SYNE1: variants seen among roughly 807,000 people sequenced by gnomAD.
The protein encoded by SYNE1 is nesprin-1.
SYNE1 carries 616 observed loss-of-function variants against 1,111.0 expected under a neutral mutation model. The ratio of observed to expected loss-of-function variants is 0.55; its 90% CI spans 0.52 to 0.59. The LOEUF (loss-of-function observed/expected upper bound fraction) is 0.59. Among genes scored for constraint, SYNE1 ranks in the 20% least tolerant of loss-of-function variants. SYNE1 has a pLI of 0.00. For synonymous variants in SYNE1, 3,855 were observed against 3,825.8 expected, an observed-to-expected ratio of 1.01 and a Z score of -0.28; for missense variants, 10,006 against 10,417.0, an observed-to-expected ratio of 0.96 and a Z score of 1.72.
Position 152,405,268 on chromosome 6 carries a change from C to T in SYNE1, c.6724-954G>A, listed in dbSNP as rs141994754. ...GAACCTGGTCATATCTAATGTGGCT[C>T]GGAAGCATATTGAATCATTGGATTT... On this transcript the variant is annotated intron_variant, in intron 45 of 145. Transcript: ENST00000367255. Among the ~76,000 whole-genome samples, 129 of 152,270 alleles carry T rather than the reference C, an allele frequency of 8.5e-4. 1 individual carries two copies. Among genetic ancestry groups the T allele is most frequent in the African/African-American group, 2.8e-3 (117 of 41,544 alleles).
intron 55 of SYNE1, 173 bp from the exon 56 acceptor site, chr6:152,381,535 C>A: frequency 1.4e-6 from 1 of 708,716 alleles, no homozygotes; most frequent in East Asian, 2.6e-5. Context: ...CGGGAGTTGT[C>A]ATCACGAGTG....
rs1563858266 is a variant in SYNE1 at position 152,416,722 on chromosome 6, T to C, written c.5715A>G (p.Ile1905Met). The change falls in exon 41 of 146, where the codon ATA becomes ATG. Residue 1905 changes from isoleucine (I) to methionine (M), a missense_variant. Coordinates refer to ENST00000367255, the MANE Select transcript of SYNE1 (RefSeq NM_182961.4). ...NSMNKNESDL[I>M]EKDLNDALQN... ...GAAGAGCATCATTGAGGTCCTTTTCTATCAAATCAGACTCGTTCTTATTCA... is the reference window on the plus strand; with the variant it reads ...GAAGAGCATCATTGAGGTCCTTTTCCATCAAATCAGACTCGTTCTTATTCA... The C allele has an allele frequency of 1.2e-6, 2 of 1,614,242 alleles. No homozygotes were observed. The highest frequency in any genetic ancestry group is 8.5e-7 in the Non-Finnish European group (1 of 1,180,038).
intron 111 of SYNE1, among the ~76,000 whole-genome samples, chr6:152,234,288 C>G (rs1332062388): frequency 1.7e-5 from 2 of 115,134 alleles, no homozygotes; most frequent in Non-Finnish European, 3.5e-5. Flanking sequence ...GACTTCCTTT[C>G]TTTTCTTTTC....
chr6:152,582,484 TAC>T (rs992432091), intron 3 of SYNE1, among the ~76,000 whole-genome samples: 1 of 151,944 alleles, frequency 6.6e-6, no homozygotes, highest in Non-Finnish European at 1.5e-5. Flanking sequence ...TTTATATATA[TAC>T]ACACACACAT....
intron 108 of SYNE1, 38 bp downstream of exon 108, chr6:152,239,495 A>C (rs376470872): frequency 5.0e-6 from 8 of 1,612,652 alleles, no homozygotes; most frequent in Admixed American, 1.7e-5. Context: ...TGCAGCAGGA[A>C]GTTTGCAGCA....
chr6:152,496,277 T>C (rs2098998882), intron 11 of SYNE1, among the ~76,000 whole-genome samples: 1 of 152,126 alleles, frequency 6.6e-6, no homozygotes, highest in Non-Finnish European at 1.5e-5. Context: ...TCTGTATATT[T>C]TTAAATGAAG....
chr6:152,324,950 G>T, intron 81 of SYNE1, 134 bp downstream of exon 81: 1 of 1,028,706 alleles, frequency 9.7e-7, no homozygotes, highest in Non-Finnish European at 1.5e-6. Flanking sequence ...TAATTTTTAT[G>T]TCACTGAAAC....
At chr6:152,181,310 G>A (rs746278523) in intron 128 of SYNE1, among the ~76,000 whole-genome samples, 1 of 152,162 alleles carries the variant, frequency 6.6e-6, no homozygotes, top group Non-Finnish European at 1.5e-5. Flanking sequence ...TACTTGGGAA[G>A]TTGAGGCAGG....
chr6:152,632,353 C>T lies in SYNE1; in HGVS notation c.-223-3799G>A, dbSNP rs112445024. On this transcript the variant is annotated intron_variant, in intron 2 of 145. Transcript: ENST00000367255. ...TATCCTTCCTTTTTCAGACATTAAA[C>T]ATTTTGCTTTCATCATTCACATGTA... is the stretch of plus-strand genomic sequence containing the variant. 4.5e-3 allele frequency among the ~76,000 whole-genome samples: 691 copies of T among 152,280 alleles called. 3 individuals are homozygous for T. The highest frequency in any genetic ancestry group is 0.028 in the South Asian group (137 of 4,830).
At chr6:152,484,695 A>G (rs1484910016) in intron 13 of SYNE1, 140 bp downstream of exon 13, 2 of 874,260 alleles carry the variant, frequency 2.3e-6, no homozygotes, top group Non-Finnish European at 3.5e-6. Flanking sequence ...GGAGGCAAAG[A>G]TTCTCCCATA....
intron 5 of SYNE1, 151 bp downstream of exon 5, chr6:152,525,929 A>G: frequency 1.4e-6 from 1 of 710,348 alleles, no homozygotes; most frequent in South Asian, 1.6e-5. Context: ...ACCTAGAAGT[A>G]GAAGTGCCAG....
chr6:152,155,444 A>G (rs1309096021), intron 132 of SYNE1: 4 of 312,316 alleles, frequency 1.3e-5, no homozygotes, highest in Non-Finnish European at 2.4e-5. Flanking sequence ...TCACACTGAC[A>G]AAAGTTAATC....
chr6:152,167,973 G>A lies in SYNE1; in HGVS notation c.23628-3648C>T, dbSNP rs778413685. On this transcript the variant is annotated intron_variant, in intron 130 of 145. Coordinates refer to ENST00000367255, the MANE Select transcript of SYNE1 (RefSeq NM_182961.4). ...CGAATAACTCTTGGGAGTCCACATG[G>A]CCAGCTATCTCCCAACACCAATCCT... is the stretch of plus-strand genomic sequence containing the variant. 12 of 777,212 alleles carry A rather than the reference G, an allele frequency of 1.5e-5. No homozygotes were observed. In the East Asian group the frequency reaches 1.9e-4, roughly 13 times the overall value. The allele number at this position is 777,212 out of a possible 1,614,324, so 48.1% of individuals were successfully genotyped here.
In SYNE1 at chr6:152,152,085, C is replaced by G; in HGVS notation, c.24186G>C (p.Gln8062His). The G allele has an allele frequency of 6.2e-7, 1 of 1,614,196 alleles. No individual in the cohort carries two copies. The highest frequency in any genetic ancestry group is 8.5e-7 in the Non-Finnish European group (1 of 1,180,038). Residue 8062 changes from glutamine (Q) to histidine (H), a missense_variant, in exon 134 of 146, where the codon CAG (glutamine) becomes CAC (histidine). Gln to His is a conservative substitution (Grantham distance 24). This residue lies in a region of SYNE1 where 2,182 missense variants were observed against 2,287.8 expected (regional missense o/e 0.95). Transcript: ENST00000367255. ...CLTQLELINK[Q>H]YRRLARENRT... ...GGTTCTCCCTGGCCAGGCGGCGGTA[C>G]TGCTTGTTGATCAGTTCCAGCTGCG...
At chr6:152,363,024 G>A (rs1591110192) in intron 63 of SYNE1, among the ~76,000 whole-genome samples, 1 of 151,054 alleles carries the variant, frequency 6.6e-6, no homozygotes, top group Non-Finnish European at 1.5e-5. Context: ...GGGACTACAT[G>A]CCCCCGCCAC....
At chr6:152,203,584 A>T (rs1203401005) in intron 126 of SYNE1, among the ~76,000 whole-genome samples, 1 of 152,074 alleles carries the variant, frequency 6.6e-6, no homozygotes, top group Non-Finnish European at 1.5e-5. Context: ...TATCTCTTCC[A>T]TTATCATCAG....
chr6:152,526,454 C>A (rs1443131345), intron 4 of SYNE1, among the ~76,000 whole-genome samples: 1 of 152,090 alleles, frequency 6.6e-6, no homozygotes, highest in Admixed American at 6.6e-5. Flanking sequence ...TGATTTTTGA[C>A]AAGGGCAGGA....
At chr6:152,207,154 A>C (rs73780847) in intron 125 of SYNE1, among the ~76,000 whole-genome samples, 8,167 of 152,208 alleles carry the variant, frequency 0.054, 309 homozygotes, top group African/African-American at 0.11. Flanking sequence ...GATGATAGAC[A>C]AGGAGAAGTA....
chr6:152,376,212 A>G (rs1162669886), intron 58 of SYNE1, 169 bp downstream of exon 58: 1 of 642,486 alleles, frequency 1.6e-6, no homozygotes, highest in South Asian at 1.8e-5. Flanking sequence ...GGTGGAGCTC[A>G]GGCAGTAACG....
Sources: gnomAD v4.1 joint callset for allele counts (sites outside exome capture counted in the v4.1 genomes callset) on GRCh38, gnomAD v4.1.1 for gene constraint, gnomAD v4.1.1 regional missense constraint, MANE v1.5 for transcripts, NCBI Gene and HGNC (gene_info 2026-07-23, HGNC 2026-07-21) for gene names.